Variants in NSUN6 observed in about 807,000 individuals in gnomAD.
NSUN6 encodes the protein tRNA (cytosine(72)-C(5))-methyltransferase NSUN6.
In NSUN6, 64 loss-of-function variants were observed where a neutral mutation model predicts 58.0. That is an observed-to-expected ratio of 1.10 (90% confidence interval 0.90 to 1.36). The LOEUF (loss-of-function observed/expected upper bound fraction) is 1.36. NSUN6 is among the 40% of genes most tolerant of loss of function. The pLI is 0.00. For missense variants in NSUN6, 701 were observed against 550.1 expected (o/e 1.27, Z -2.74); for synonymous variants, 231 against 193.9 (o/e 1.19, Z -1.59).
At chr10:18,591,806 A>T (rs778478012) in intron 7 of NSUN6, among the ~76,000 whole-genome samples, 2 of 152,192 alleles carry the variant, frequency 1.3e-5, no homozygotes, top group Non-Finnish European at 2.9e-5. Flanking sequence ...GAAAACTGGC[A>T]TGAGACAAGG....
At chr10:18,559,700 T>A (rs1437207597) in intron 8 of NSUN6, among the ~76,000 whole-genome samples, 1 of 149,138 alleles carries the variant, frequency 6.7e-6, no homozygotes, top group Non-Finnish European at 1.5e-5. Flanking sequence ...GAATATGGAA[T>A]GCAATGAAGA....
At chr10:18,587,949 G>C (rs901816191) in intron 7 of NSUN6, among the ~76,000 whole-genome samples, 1 of 152,156 alleles carries the variant, frequency 6.6e-6, no homozygotes, top group Admixed American at 6.5e-5. Flanking sequence ...CTGGAAAGGG[G>C]GCTAATGCCA....
chr10:18,613,389 G>C (rs889800289), intron 5 of NSUN6, among the ~76,000 whole-genome samples: 2 of 152,122 alleles, frequency 1.3e-5, no homozygotes, highest in South Asian at 4.1e-4. Flanking sequence ...GAGCCACCAC[G>C]CCCGGCCAAA....
chr10:18,611,460 C>T (rs1353912937), intron 5 of NSUN6, among the ~76,000 whole-genome samples: 2 of 151,984 alleles, frequency 1.3e-5, no homozygotes, highest in African/African-American at 2.4e-5. Context: ...AGTAAAATAA[C>T]GTCAGTAGAT....
chr10:18,548,210 C>T lies in NSUN6; in HGVS notation c.1099G>A (p.Val367Met). The T allele has an allele frequency of 6.2e-7, 1 of 1,613,310 alleles. No individual in the cohort carries two copies. Among genetic ancestry groups the T allele is most frequent in the Non-Finnish European group, 8.5e-7 (1 of 1,179,486 alleles). The change falls in exon 10 of 11, where the codon GTG becomes ATG. Residue 367 changes from valine (V) to methionine (M), a missense_variant. By Grantham distance (21) the Val-to-Met change is conservative (BLOSUM62 1). Coordinates refer to ENST00000377304, the MANE Select transcript of NSUN6 (RefSeq NM_182543.5). ...AAVQLLKPEG[V>M]LVYSTCTITL... ...ATAGTGCACGTGCTATAAACCAGCACACCCTCTGGCTTCAGCAGCTGAACC... is the reference window on the plus strand; with the variant it reads ...ATAGTGCACGTGCTATAAACCAGCATACCCTCTGGCTTCAGCAGCTGAACC...
At chr10:18,640,867 A>G (rs796672203) in intron 3 of NSUN6, among the ~76,000 whole-genome samples, 1 of 151,976 alleles carries the variant, frequency 6.6e-6, no homozygotes, top group Admixed American at 6.6e-5. Flanking sequence ...GTAAAAAAAA[A>G]AAAAACAAAA....
intron 3 of NSUN6, among the ~76,000 whole-genome samples, chr10:18,629,140 T>C (rs1000157739): frequency 5.9e-5 from 9 of 152,134 alleles, no homozygotes; most frequent in African/African-American, 2.2e-4. Flanking sequence ...CAGAATTTCA[T>C]ATCCACCCAA....
intron 3 of NSUN6, among the ~76,000 whole-genome samples, chr10:18,640,554 A>C (rs1023586117): frequency 2.6e-5 from 4 of 152,202 alleles, no homozygotes; most frequent in African/African-American, 7.2e-5. Flanking sequence ...TTATAGTAGC[A>C]GCTAACTGGT....
intron 8 of NSUN6, among the ~76,000 whole-genome samples, chr10:18,578,871 T>C (rs2056782018): frequency 6.6e-6 from 1 of 152,150 alleles, no homozygotes; most frequent in South Asian, 2.1e-4. Context: ...TCACCCTCAA[T>C]CATATGTCTT....
chr10:18,590,707 A>G (rs904869496), intron 7 of NSUN6, among the ~76,000 whole-genome samples: 2 of 152,208 alleles, frequency 1.3e-5, no homozygotes, highest in South Asian at 2.1e-4. Context: ...TTTGAAACCA[A>G]TGAGAACAAA....
Position 18,651,125 on chromosome 10 carries a change from C to G in NSUN6, c.75+4G>C. 6.4e-7 allele frequency: 1 copy of G among 1,568,412 alleles called. No homozygotes were observed. Among genetic ancestry groups the G allele is most frequent in the Non-Finnish European group, 8.6e-7 (1 of 1,166,312 alleles). ...ATATCAACTAACATCTTTACTTGAC[C>G]TACCTCCTTATTCATAAAGCCTTCC... On this transcript the variant is annotated splice_donor_region_variant and intron_variant, in intron 1 of 10. Coordinates refer to ENST00000377304, the MANE Select transcript of NSUN6 (RefSeq NM_182543.5).
chr10:18,577,048 A>G (rs1451796051), intron 8 of NSUN6, among the ~76,000 whole-genome samples: 1 of 152,226 alleles, frequency 6.6e-6, no homozygotes, highest in Non-Finnish European at 1.5e-5. Context: ...TTGGTAGGTG[A>G]CAATAAAAAT....
At chr10:18,651,623 A>C (rs1459667596), upstream of NSUN6, 3 of 986,332 alleles carry the variant, frequency 3.0e-6, no homozygotes, top group African/African-American at 5.2e-5. Context: ...TCTCGGCGGA[A>C]AGTCGCTTCC....
intron 8 of NSUN6, among the ~76,000 whole-genome samples, chr10:18,567,399 CCAT>C (rs1484797483): frequency 6.7e-6 from 1 of 149,972 alleles, no homozygotes; most frequent in East Asian, 2.0e-4. Flanking sequence ...ATACCATTCT[CCAT>C]CATTGCATTT....
chr10:18,570,417 CTCCATTCCATTCTCCAT>C (rs1460618565), intron 8 of NSUN6, among the ~76,000 whole-genome samples: 126 of 148,076 alleles, frequency 8.5e-4, no homozygotes, highest in South Asian at 2.2e-3. Flanking sequence ...CCCTTCCATT[CTCCATTCCATTCTCCAT>C]TCCATTCCAT....
At chr10:18,580,914 T>G (rs189875806) in intron 8 of NSUN6, among the ~76,000 whole-genome samples, 58 of 152,192 alleles carry the variant, frequency 3.8e-4, no homozygotes, top group African/African-American at 1.4e-3. Flanking sequence ...TGAGGCAAAT[T>G]TTAGAGCAGG....
At chr10:18,658,564 G>T, upstream of NSUN6, 1 of 449,942 alleles carries the variant, frequency 2.2e-6, no homozygotes, top group Non-Finnish European at 2.9e-6. Context: ...ACTTCGATCT[G>T]GGATCCACGA....
At chr10:18,600,040 G>C (rs1163865185) in intron 6 of NSUN6, among the ~76,000 whole-genome samples, 1 of 152,024 alleles carries the variant, frequency 6.6e-6, no homozygotes, top group Non-Finnish European at 1.5e-5. Flanking sequence ...AAGTATCTTT[G>C]GGTAATGTAA....
At chr10:18,651,746 C>T (rs983505138), upstream of NSUN6, 2 of 985,608 alleles carry the variant, frequency 2.0e-6, no homozygotes, top group Non-Finnish European at 2.4e-6. Flanking sequence ...CCGGAGGTTC[C>T]TAACCCTGCG....
Sources: allele counts gnomAD v4.1 joint callset (sites outside exome capture counted in the v4.1 genomes callset), GRCh38; gene constraint gnomAD v4.1.1; transcripts MANE v1.5; gene names NCBI Gene and HGNC (gene_info 2026-07-23, HGNC 2026-07-21).